The following ADAMTS3 variants were observed in gnomAD, a reference collection of about 807,000 sequenced individuals.
ADAMTS3 encodes the protein A disintegrin and metalloproteinase with thrombospondin motifs 3.
ADAMTS3 carries 73 observed loss-of-function variants against 129.0 expected under a neutral mutation model. The ratio of observed to expected loss-of-function variants is 0.57; its 90% CI spans 0.47 to 0.69. The LOEUF is 0.69. Ranked by LOEUF, ADAMTS3 falls within the 30% of genes least tolerant of loss-of-function variation. ADAMTS3 has a pLI of 0.00. For synonymous variants in ADAMTS3, 477 were observed against 510.8 expected, an observed-to-expected ratio of 0.93 and a Z score of 0.89; for missense variants, 1,457 against 1,514.5, an observed-to-expected ratio of 0.96 and a Z score of 0.63.
chr4:72,477,854 G>A (rs1408359524), intron 3 of ADAMTS3, among the ~76,000 whole-genome samples: 1 of 151,952 alleles, frequency 6.6e-6, no homozygotes, highest in Non-Finnish European at 1.5e-5. Flanking sequence ...AAATGATAAA[G>A]GGGATATCAC....
At chr4:72,290,741 T>C (rs763362950) in intron 20 of ADAMTS3, 114 bp downstream of exon 20, 7 of 1,117,720 alleles carry the variant, frequency 6.3e-6, no homozygotes, top group Non-Finnish European at 9.1e-6. Flanking sequence ...TTACAAAATA[T>C]GCAGTAGTTT....
At chr4:72,307,876 A>T (rs1719129646) in intron 15 of ADAMTS3, among the ~76,000 whole-genome samples, 1 of 151,958 alleles carries the variant, frequency 6.6e-6, no homozygotes, top group Non-Finnish European at 1.5e-5. Flanking sequence ...ATTATCTTTG[A>T]ACAGTTTGAA....
In ADAMTS3 at chr4:72,283,493, T is replaced by C. The variant is rs759775170; in HGVS notation, c.3261A>G (p.Thr1087=). ...TCTCTGAATGATAAGGAACCAAAGA[T>C]GTAGGCATCACTAGAGATCTAGGGA... ...SDLPRSLVMP[T]SLVPYHSETP... The change falls in exon 22 of 22, where the codon ACA becomes ACG. Residue 1087 remains threonine, a synonymous_variant. Coordinates refer to ENST00000286657, the MANE Select transcript of ADAMTS3 (RefSeq NM_014243.3). The C allele has an allele frequency of 1.9e-6, 3 of 1,614,056 alleles. No individual in the cohort carries two copies. The highest frequency in any genetic ancestry group is 2.5e-6 in the Non-Finnish European group (3 of 1,179,974).
chr4:72,426,115 G>C (rs1722567451), intron 3 of ADAMTS3, among the ~76,000 whole-genome samples: 1 of 152,114 alleles, frequency 6.6e-6, no homozygotes, highest in Non-Finnish European at 1.5e-5. Flanking sequence ...TGTCTCTGTT[G>C]GCTGCATAAA....
In ADAMTS3 at chr4:72,283,557, G is replaced by A; in HGVS notation, c.3197C>T (p.Ala1066Val). 1 of 1,614,042 alleles carries A rather than the reference G, an allele frequency of 6.2e-7. No homozygotes were observed. The highest frequency in any genetic ancestry group is 8.5e-7 in the Non-Finnish European group (1 of 1,179,952). ...TLPPPYLLEA[A>V]ETHDDVISNP... ...AGAGATGACATCATCATGAGTTTCAGCAGCTTCTAGAAGGTATGGTGGTGG... is the reference window on the plus strand; with the variant it reads ...AGAGATGACATCATCATGAGTTTCAACAGCTTCTAGAAGGTATGGTGGTGG... Residue 1066 changes from alanine (A) to valine (V), a missense_variant, in exon 22 of 22, where the codon GCT (alanine) becomes GTT (valine). Coordinates refer to ENST00000286657, the MANE Select transcript of ADAMTS3 (RefSeq NM_014243.3).
intron 2 of ADAMTS3, among the ~76,000 whole-genome samples, chr4:72,551,240 C>T (rs1415116126): frequency 6.6e-6 from 1 of 152,094 alleles, no homozygotes; most frequent in Non-Finnish European, 1.5e-5. Context: ...TGTACTGATG[C>T]ATGGATTAAG....
At chr4:72,423,340 C>T (rs953425485) in intron 3 of ADAMTS3, among the ~76,000 whole-genome samples, 3 of 151,966 alleles carry the variant, frequency 2.0e-5, no homozygotes, top group Admixed American at 6.6e-5. Flanking sequence ...GTGTGTAAGA[C>T]GGAGAATACA....
chr4:72,495,541 AAG>A (rs1326535208), intron 3 of ADAMTS3, among the ~76,000 whole-genome samples: 1 of 152,222 alleles, frequency 6.6e-6, no homozygotes, highest in Admixed American at 6.5e-5. Context: ...CAAAGAAAAA[AAG>A]AGACATTATT....
At chr4:72,367,687 A>G (rs1269606287) in intron 4 of ADAMTS3, among the ~76,000 whole-genome samples, 2 of 152,122 alleles carry the variant, frequency 1.3e-5, no homozygotes, top group Non-Finnish European at 2.9e-5. Flanking sequence ...TGTCTCTCCT[A>G]AAAACACAAA....
intron 2 of ADAMTS3, among the ~76,000 whole-genome samples, chr4:72,557,258 C>A (rs1372023751): frequency 2.6e-5 from 4 of 151,756 alleles, no homozygotes; most frequent in Non-Finnish European, 4.4e-5. Context: ...ATGATGGGAG[C>A]CAGCTGCTCC....
intron 4 of ADAMTS3, among the ~76,000 whole-genome samples, chr4:72,358,115 C>T (rs1442014773): frequency 6.6e-6 from 1 of 151,906 alleles, no homozygotes; most frequent in Non-Finnish European, 1.5e-5. Flanking sequence ...GTAAGCCTCA[C>T]TGGAGTACAC....
chr4:72,453,897 A>G (rs1289207249), intron 3 of ADAMTS3, among the ~76,000 whole-genome samples: 1 of 147,916 alleles, frequency 6.8e-6, no homozygotes, highest in Non-Finnish European at 1.5e-5. Context: ...ATTATATTAT[A>G]TGTAAAATAT....
intron 3 of ADAMTS3, among the ~76,000 whole-genome samples, chr4:72,530,745 T>TATATAATATTATACATTATATATTA (rs1560554566): frequency 4.1e-5 from 1 of 24,264 alleles, no homozygotes; most frequent in African/African-American, 2.2e-4. Context: ...ATTATATATA[T>TATATAATATTATACATTATATATTA]TATATATTAT....
intron 10 of ADAMTS3, among the ~76,000 whole-genome samples, chr4:72,317,894 T>C (rs1719441497): frequency 6.6e-6 from 1 of 152,020 alleles, no homozygotes; most frequent in Non-Finnish European, 1.5e-5. Context: ...CTGGCGGTGG[T>C]GGTGCATGCC....
chr4:72,520,912 A>G (rs1720653163), intron 3 of ADAMTS3, among the ~76,000 whole-genome samples: 1 of 152,070 alleles, frequency 6.6e-6, no homozygotes, highest in African/African-American at 2.4e-5. Flanking sequence ...ATGGAAATGC[A>G]GAAATCACCC....
intron 4 of ADAMTS3, among the ~76,000 whole-genome samples, chr4:72,399,700 C>T (rs1721826893): frequency 6.7e-6 from 1 of 149,176 alleles, no homozygotes; most frequent in African/African-American, 2.5e-5. Flanking sequence ...TGTATATATA[C>T]ACACACGGTG....
At chr4:72,295,392 A>C (rs1718778782) in intron 19 of ADAMTS3, among the ~76,000 whole-genome samples, 1 of 152,098 alleles carries the variant, frequency 6.6e-6, no homozygotes, top group Non-Finnish European at 1.5e-5. Flanking sequence ...GAATAGAAGC[A>C]AAAACATTTG....
intron 2 of ADAMTS3, among the ~76,000 whole-genome samples, chr4:72,563,134 T>C (rs1721944686): frequency 6.6e-6 from 1 of 152,142 alleles, no homozygotes; most frequent in African/African-American, 2.4e-5. Flanking sequence ...TTTGGTACAA[T>C]GACAAGGAAA....
At chr4:72,560,448 A>G (rs1393159439) in intron 2 of ADAMTS3, among the ~76,000 whole-genome samples, 3 of 152,214 alleles carry the variant, frequency 2.0e-5, no homozygotes, top group Non-Finnish European at 4.4e-5. Context: ...ACGCCAATCA[A>G]TGATAGACTG....
Sources: allele counts gnomAD v4.1 joint callset (sites outside exome capture counted in the v4.1 genomes callset), GRCh38; gene constraint gnomAD v4.1.1; transcripts MANE v1.5; gene names NCBI Gene and HGNC (gene_info 2026-07-23, HGNC 2026-07-21).